The following HEATR5A variants were observed in gnomAD, a reference collection of about 807,000 sequenced individuals.
HEATR5A encodes HEAT repeat-containing protein 5A.
In HEATR5A, 178 loss-of-function variants were observed where a neutral mutation model predicts 218.8. The observed-to-expected ratio is 0.81, with a 90% confidence interval of 0.72 to 0.92. HEATR5A has a LOEUF of 0.92. HEATR5A is among the 40% of genes least tolerant of loss of function. The probability of loss-of-function intolerance (pLI) is 0.00; values close to 1 mark genes in which losing one functional copy is unlikely to be tolerated. For synonymous variants in HEATR5A, 864 were observed against 871.6 expected, an observed-to-expected ratio of 0.99 and a Z score of 0.15; for missense variants, 2,420 against 2,418.9, an observed-to-expected ratio of 1.00 and a Z score of -0.01.
chr14:31,383,867 A>C (rs991302069), intron 9 of HEATR5A, 96 bp from the exon 10 acceptor site: 2 of 935,392 alleles, frequency 2.1e-6, no homozygotes, highest in Admixed American at 6.7e-5. Context: ...GATATAAAAT[A>C]TATTTTTATC....
At chr14:31,298,707 T>C (rs1443129867) in intron 33 of HEATR5A, among the ~76,000 whole-genome samples, 1 of 152,192 alleles carries the variant, frequency 6.6e-6, no homozygotes, top group African/African-American at 2.4e-5. Context: ...TTATTCCTTC[T>C]GCCTAGACAG....
At chr14:31,368,593 C>T (rs1212793159) in intron 13 of HEATR5A, among the ~76,000 whole-genome samples, 1 of 152,102 alleles carries the variant, frequency 6.6e-6, no homozygotes, top group African/African-American at 2.4e-5. Flanking sequence ...AGAGCAGTGG[C>T]GCAATCAAGA....
chr14:31,359,729 CAAAAAA>C (rs376157768), intron 14 of HEATR5A, among the ~76,000 whole-genome samples: 13 of 32,206 alleles, frequency 4.0e-4, no homozygotes, highest in Middle Eastern at 0.024. Flanking sequence ...CATCTCAAGA[CAAAAAA>C]AAAAAAAAAA....
In HEATR5A at chr14:31,307,014, G is replaced by A. The variant is rs929097105; in HGVS notation, c.4819-135C>T. ...AATTGCTTTAGTGCAATAAAGTTAA[G>A]TAACGCTCCATTTTAAATCAACTCC... On this transcript the variant is annotated intron_variant, in intron 30 of 35. Coordinates refer to ENST00000543095, the MANE Select transcript of HEATR5A (RefSeq NM_015473.4). The A allele has an allele frequency of 4.2e-5, 29 of 696,724 alleles. No individual in the cohort carries two copies. In the South Asian group the frequency reaches 5.6e-4, roughly 14 times the overall value. 43.2% of individuals were successfully genotyped at this position (696,724 alleles called of 1,614,324 possible).
At chr14:31,393,777 T>C (rs117859740) in intron 6 of HEATR5A, among the ~76,000 whole-genome samples, 2,328 of 152,236 alleles carry the variant, frequency 0.015, 149 homozygotes, top group Admixed American at 0.11. Flanking sequence ...TAATCCCAAG[T>C]AGGTGGGATT....
intron 9 of HEATR5A, among the ~76,000 whole-genome samples, chr14:31,385,328 C>T (rs12892593): frequency 0.075 from 11,354 of 152,216 alleles, 592 homozygotes; most frequent in Non-Finnish European, 0.11. Context: ...GAGGAGCTCT[C>T]ACTATGTTGC....
chr14:31,342,426 ATAAT>A (rs1435633327), intron 21 of HEATR5A, among the ~76,000 whole-genome samples: 2 of 152,182 alleles, frequency 1.3e-5, no homozygotes, highest in Admixed American at 6.5e-5. Flanking sequence ...ATCAGTATCA[ATAAT>A]TAATATAATA....
intron 13 of HEATR5A, among the ~76,000 whole-genome samples, chr14:31,365,378 C>T (rs757709875): frequency 1.3e-5 from 2 of 151,772 alleles, no homozygotes; most frequent in South Asian, 2.1e-4. Flanking sequence ...TTTTGCTTTC[C>T]GAGATGGAGT....
In HEATR5A at chr14:31,321,602, C is replaced by T. The variant is rs1271861145; in HGVS notation, c.3866G>A (p.Arg1289His). ...MAATDHSDQL[R>H]LSGLEMLLVV... ...TAACAGCATTTCAAGGCCAGAAAGACGGAGCTGGTCACTGTGATCTGTGGC... is the reference window on the plus strand; with the variant it reads ...TAACAGCATTTCAAGGCCAGAAAGATGGAGCTGGTCACTGTGATCTGTGGC... Residue 1289 changes from arginine to histidine, a missense_variant, in exon 25 of 36, where the codon CGT becomes CAT. Physicochemically the swap from Arg to His is conservative, Grantham distance 29 (BLOSUM62 0). Transcript: ENST00000543095. 13 of 1,609,372 alleles carry T rather than the reference C, an allele frequency of 8.1e-6. No individual in the cohort carries two copies. The highest frequency in any genetic ancestry group is 4.0e-5 in the African/African-American group (3 of 74,782).
Position 31,365,022 on chromosome 14 carries a change from G to A in HEATR5A, c.1962-724C>T, listed in dbSNP as rs146299298. On this transcript the variant is annotated intron_variant, in intron 13 of 35. Transcript: ENST00000543095. Reference sequence around the variant, plus strand: ...CCCCAATAGCTGGGACTACAGGTGCGCACCACCATGCCCGGCTAATTTTTG... The same window carrying A: ...CCCCAATAGCTGGGACTACAGGTGCACACCACCATGCCCGGCTAATTTTTG... Among the ~76,000 whole-genome samples, 25 of 151,850 alleles carry A rather than the reference G, an allele frequency of 1.6e-4. No individual in the cohort carries two copies. The East Asian group carries it at 3.5e-3, about 21-fold the overall frequency.
In HEATR5A at chr14:31,293,132, C is replaced by T. The variant is rs749175601; in HGVS notation, c.*173G>A. ...AAAACAAAACAAAACACAAACCCCA[C>T]GCACACACACAAAAATGTTAAGTAT... On this transcript the variant is annotated 3_prime_UTR_variant, in exon 36 of 36. Transcript: ENST00000543095. The T allele has an allele frequency of 2.0e-5, 10 of 499,664 alleles. No homozygotes were observed. Among genetic ancestry groups the T allele is most frequent in the African/African-American group, 6.0e-5 (3 of 49,618 alleles). 31.0% of individuals were successfully genotyped at this position (499,664 alleles called of 1,614,324 possible).
At position 31,321,654 on chromosome 14, in the gene HEATR5A, C is replaced by G; in HGVS notation, c.3814G>C (p.Asp1272His). The change falls in exon 25 of 36, where the codon GAC becomes CAC. Residue 1272 changes from aspartate to histidine, a missense_variant. By Grantham distance (81) the Asp-to-His change is moderately conservative (BLOSUM62 -1). Coordinates refer to ENST00000543095, the MANE Select transcript of HEATR5A (RefSeq NM_015473.4). ...GCCATAAAAGCCATGCGAATTAAGT[C>G]AGCAAGATGCAGTACCAAAAAGTCA... The part of the protein sequence containing the change: ...RNDFLVLHLA[D>H]LIRMAFMAAT... 1 of 1,605,238 alleles carries G rather than the reference C, an allele frequency of 6.2e-7. No individual in the cohort carries two copies. Among genetic ancestry groups the G allele is most frequent in the Non-Finnish European group, 8.5e-7 (1 of 1,175,952 alleles).
At chr14:31,405,103 G>A (rs2031013543) in intron 1 of HEATR5A, among the ~76,000 whole-genome samples, 2 of 146,430 alleles carry the variant, frequency 1.4e-5, no homozygotes, top group Admixed American at 1.4e-4. Flanking sequence ...AAAATATTAG[G>A]TCATTTTCAA....
In HEATR5A at chr14:31,367,707, T is replaced by C. The variant is rs58313321; in HGVS notation, c.1962-3409A>G. Among the ~76,000 whole-genome samples, 503 of 150,270 alleles carry C rather than the reference T, an allele frequency of 3.3e-3. 2 individuals carry two copies. The highest frequency in any genetic ancestry group is 0.014 in the Middle Eastern group (4 of 290). On this transcript the variant is annotated intron_variant, in intron 13 of 35. Transcript: ENST00000543095. ...ATGATAGGATTATAGCATGAGCCACTGTGCCCAGCCCCAAATAAAATTTCA... is the reference window on the plus strand; with the variant it reads ...ATGATAGGATTATAGCATGAGCCACCGTGCCCAGCCCCAAATAAAATTTCA...
chr14:31,316,350 T>C (rs1899911861), intron 26 of HEATR5A, among the ~76,000 whole-genome samples: 1 of 151,866 alleles, frequency 6.6e-6, no homozygotes, highest in Non-Finnish European at 1.5e-5. Context: ...CCCTTGTGAG[T>C]TCAGCAGAGC....
intron 13 of HEATR5A, among the ~76,000 whole-genome samples, chr14:31,365,325 C>A (rs1456049624): frequency 6.6e-6 from 1 of 152,080 alleles, no homozygotes; most frequent in Non-Finnish European, 1.5e-5. Flanking sequence ...CTAAGAAATT[C>A]TGGCAATGTT....
At chr14:31,379,047 T>C (rs1217231300) in intron 11 of HEATR5A, among the ~76,000 whole-genome samples, 1 of 150,682 alleles carries the variant, frequency 6.6e-6, no homozygotes, top group Non-Finnish European at 1.5e-5. Flanking sequence ...GTTCAAGCAA[T>C]TCTCCTGCCT....
At position 31,293,277 on chromosome 14, in the gene HEATR5A, T is replaced by G; in HGVS notation, c.*28A>C. 6.6e-7 allele frequency: 1 copy of G among 1,520,050 alleles called. No individual in the cohort carries two copies. The highest frequency in any genetic ancestry group is 8.9e-7 in the Non-Finnish European group (1 of 1,125,140). 94.2% of individuals were successfully genotyped at this position (1,520,050 alleles called of 1,614,324 possible). A position where few individuals can be genotyped will look rare whatever the true frequency, so the allele number is the denominator to read the frequency against. On this transcript the variant is annotated 3_prime_UTR_variant, in exon 36 of 36. Transcript: ENST00000543095. ...GGCAATGATCAAGTATTTATTATATTAAGGTGCTTACTATTCCAAAAAAAA... is the reference window on the plus strand; with the variant it reads ...GGCAATGATCAAGTATTTATTATATGAAGGTGCTTACTATTCCAAAAAAAA...
At chr14:31,381,309 G>GA (rs552290643) in intron 10 of HEATR5A, among the ~76,000 whole-genome samples, 35 of 151,960 alleles carry the variant, frequency 2.3e-4, no homozygotes, top group Admixed American at 5.2e-4. Flanking sequence ...AGTCTTCCAA[G>GA]AGGTAGTATA....
Sources: gnomAD v4.1 joint callset for allele counts (sites outside exome capture counted in the v4.1 genomes callset) on GRCh38, gnomAD v4.1.1 for gene constraint, MANE v1.5 for transcripts, NCBI Gene and HGNC (gene_info 2026-07-23, HGNC 2026-07-21) for gene names.